Variants in PRUNE2 observed in about 807,000 individuals in gnomAD.
PRUNE2 encodes the protein protein prune homolog 2.
PRUNE2 carries 164 observed loss-of-function variants against 252.0 expected under a neutral mutation model. The ratio of observed to expected loss-of-function variants is 0.65; its 90% confidence interval spans 0.57 to 0.74. The LOEUF is 0.74. Ranked by LOEUF, PRUNE2 falls within the 30% of genes least tolerant of loss-of-function variation. The probability of loss-of-function intolerance (pLI) is 0.00; values close to 1 mark genes in which losing one functional copy is unlikely to be tolerated. For missense variants in PRUNE2, 3,495 were observed against 3,711.0 expected (o/e 0.94, Z 1.51); for synonymous variants, 1,292 against 1,350.2 (o/e 0.96, Z 0.94).
intron 6 of PRUNE2, among the ~76,000 whole-genome samples, chr9:76,770,420 C>T (rs1406866450): frequency 6.6e-6 from 1 of 151,940 alleles, no homozygotes; most frequent in Admixed American, 6.6e-5. Flanking sequence ...AATCTATTGC[C>T]TTATTTTTAA....
At chr9:76,763,402 T>C (rs2051952581) in intron 6 of PRUNE2, among the ~76,000 whole-genome samples, 1 of 152,188 alleles carries the variant, frequency 6.6e-6, no homozygotes, top group Non-Finnish European at 1.5e-5. Flanking sequence ...AAGTGAGCCA[T>C]AACAAGCATA....
intron 9 of PRUNE2, among the ~76,000 whole-genome samples, chr9:76,683,074 A>G (rs987144111): frequency 3.9e-5 from 6 of 152,204 alleles, no homozygotes; most frequent in Non-Finnish European, 8.8e-5. Context: ...CCCTTTGGGG[A>G]ATAATTTCTG....
At chr9:76,696,209 T>G (rs2045367875) in intron 9 of PRUNE2, among the ~76,000 whole-genome samples, 1 of 152,178 alleles carries the variant, frequency 6.6e-6, no homozygotes, top group South Asian at 2.1e-4. Flanking sequence ...CCTTTGTTCC[T>G]GAAGAACTCT....
At chr9:76,741,304 T>A in intron 6 of PRUNE2, among the ~76,000 whole-genome samples, 1 of 152,214 alleles carries the variant, frequency 6.6e-6, no homozygotes, top group East Asian at 1.9e-4. Flanking sequence ...TATCAAGATA[T>A]ATTTGCCATA....
intron 1 of PRUNE2, among the ~76,000 whole-genome samples, chr9:76,897,390 C>CTTTT (rs55702049): frequency 5.3e-5 from 3 of 56,252 alleles, no homozygotes; most frequent in Admixed American, 2.5e-4. Context: ...AGGCAAACCT[C>CTTTT]TTTTTTTTTT....
chr9:76,652,440 T>C, intron 11 of PRUNE2, 43 bp downstream of exon 11: 1 of 1,337,624 alleles, frequency 7.5e-7, no homozygotes, highest in Non-Finnish European at 1.1e-6. Flanking sequence ...AATCTTTTAC[T>C]TATTTAGCAT....
intron 2 of PRUNE2, among the ~76,000 whole-genome samples, chr9:76,853,156 G>C (rs957673773): frequency 1.3e-5 from 2 of 152,096 alleles, no homozygotes; most frequent in Non-Finnish European, 2.9e-5. Flanking sequence ...TTGATATAAA[G>C]CCCACATGTA....
In PRUNE2 at chr9:76,619,350, T is replaced by C. The variant is rs1284310094; in HGVS notation, c.9226A>G (p.Met3076Val). 1.2e-6 allele frequency: 2 copies of C among 1,603,932 alleles called. No homozygotes were observed. Among genetic ancestry groups the C allele is most frequent in the East Asian group, 2.2e-5 (1 of 44,704 alleles). ...CLYNDPEMSS[M>V]EKDIDLKLKE... ...ATGGTGAATTCTTACTCCTTCTCCA[T>C]AGAAGACATTTCTGGATCATTGTAA... Residue 3076 changes from methionine (M) to valine (V), a missense_variant, in exon 18 of 19, where the codon ATG becomes GTG. Coordinates refer to ENST00000376718, the MANE Select transcript of PRUNE2 (RefSeq NM_015225.3).
At chr9:76,886,402 G>A (rs1373926313) in intron 1 of PRUNE2, among the ~76,000 whole-genome samples, 6 of 152,126 alleles carry the variant, frequency 3.9e-5, no homozygotes, top group Non-Finnish European at 7.3e-5. Flanking sequence ...TCAGCTGATG[G>A]GATGTGAAAC....
At chr9:76,888,176 G>A (rs1191181626) in intron 1 of PRUNE2, among the ~76,000 whole-genome samples, 4 of 152,078 alleles carry the variant, frequency 2.6e-5, no homozygotes, top group African/African-American at 4.8e-5. Flanking sequence ...ATGGAACCAC[G>A]CACCACTAAC....
intron 1 of PRUNE2, among the ~76,000 whole-genome samples, chr9:76,867,648 A>G (rs2060925097): frequency 6.6e-6 from 1 of 152,136 alleles, no homozygotes; most frequent in African/African-American, 2.4e-5. Flanking sequence ...GGCTCACTGC[A>G]ACCTCCACCT....
chr9:76,657,291 A>G (rs2133433720), intron 9 of PRUNE2, among the ~76,000 whole-genome samples: 1 of 152,370 alleles, frequency 6.6e-6, no homozygotes, highest in Non-Finnish European at 1.5e-5. Flanking sequence ...GAAATATTCT[A>G]AAGGCACATG....
At chr9:76,755,030 T>A (rs1345747440) in intron 6 of PRUNE2, among the ~76,000 whole-genome samples, 1 of 151,362 alleles carries the variant, frequency 6.6e-6, no homozygotes, top group East Asian at 1.9e-4. Flanking sequence ...CTTTTTATGG[T>A]TCCTTATCGC....
At chr9:76,740,990 C>A (rs1046872217) in intron 6 of PRUNE2, among the ~76,000 whole-genome samples, 5 of 152,096 alleles carry the variant, frequency 3.3e-5, no homozygotes, top group African/African-American at 1.2e-4. Context: ...AGAGATAGGG[C>A]CACATTAAGA....
chr9:76,880,740 T>C (rs2061726344), intron 1 of PRUNE2, among the ~76,000 whole-genome samples: 1 of 152,228 alleles, frequency 6.6e-6, no homozygotes, highest in African/African-American at 2.4e-5. Context: ...TGTGCGATTA[T>C]TTGAATTGTG....
At chr9:76,646,471 T>G (rs372840665) in intron 11 of PRUNE2, among the ~76,000 whole-genome samples, 13 of 152,360 alleles carry the variant, frequency 8.5e-5, no homozygotes, top group African/African-American at 3.1e-4. Context: ...CTTGGCTCAC[T>G]CTGGCTTCCA....
chr9:76,837,476 A>ATAATAATAATAATGC (rs1188831288), intron 4 of PRUNE2, among the ~76,000 whole-genome samples: 6 of 42,604 alleles, frequency 1.4e-4, no homozygotes, highest in African/African-American at 7.6e-4. Context: ...AATAATAATA[A>ATAATAATAATAATGC]TGCTATTAAA....
At chr9:76,754,088 A>G (rs1391549153) in intron 6 of PRUNE2, among the ~76,000 whole-genome samples, 1 of 152,144 alleles carries the variant, frequency 6.6e-6, no homozygotes, top group Non-Finnish European at 1.5e-5. Flanking sequence ...TGACTTAATA[A>G]TCTGGAATTT....
intron 6 of PRUNE2, among the ~76,000 whole-genome samples, chr9:76,714,622 C>T (rs1046695414): frequency 2.6e-5 from 4 of 152,144 alleles, no homozygotes; most frequent in Admixed American, 1.3e-4. Flanking sequence ...GTCTCGAACT[C>T]CTGGGCTCAA....
Sources: gnomAD v4.1 joint callset for allele counts (sites outside exome capture counted in the v4.1 genomes callset) on GRCh38, gnomAD v4.1.1 for gene constraint, MANE v1.5 for transcripts, NCBI Gene and HGNC (gene_info 2026-07-23, HGNC 2026-07-21) for gene names.